The following LIPH variants were observed in gnomAD, a reference collection of about 807,000 sequenced individuals.
LIPH encodes lipase member H.
In LIPH, 32 loss-of-function variants were observed where a neutral mutation model predicts 47.6. The ratio of observed to expected loss-of-function variants is 0.67; its 90% CI spans 0.51 to 0.90. The LOEUF is 0.90. Ranked by LOEUF, LIPH falls within the 40% of genes least tolerant of loss-of-function variation. The pLI, the probability that LIPH is intolerant of heterozygous loss-of-function variation, is 0.00. For missense variants in LIPH, 497 were observed against 541.4 expected (o/e 0.92, Z 0.81); for synonymous variants, 190 against 195.6 (o/e 0.97, Z 0.24).
At chr3:185,542,154 A>G (rs62291861) in intron 1 of LIPH, among the ~76,000 whole-genome samples, 54,042 of 151,894 alleles carry the variant, frequency 0.36, 9,834 homozygotes, top group Non-Finnish European at 0.4. Context: ...AGAGTGGCGA[A>G]AAATTTGTGT....
chr3:185,548,004 C>T (rs1225110275), intron 1 of LIPH, among the ~76,000 whole-genome samples: 1 of 152,158 alleles, frequency 6.6e-6, no homozygotes, highest in Non-Finnish European at 1.5e-5. Flanking sequence ...TATGCTTGAG[C>T]ACACTCTTAT....
At position 185,522,650 on chromosome 3, in the gene LIPH, A is replaced by AAGAAAGGAAAG. The variant is rs1235808164; in HGVS notation, c.718+1420_718+1421insCTTTCCTTTCT. Among the ~76,000 whole-genome samples the AAGAAAGGAAAG allele has an allele frequency of 3.9e-3, 547 of 142,000 alleles. 4 individuals carry two copies. Among genetic ancestry groups the AAGAAAGGAAAG allele is most frequent in the Non-Finnish European group, 6.9e-3 (446 of 64,574 alleles). 93.2% of individuals were successfully genotyped at this position (142,000 alleles called of 152,430 possible). A position where few individuals can be genotyped will look rare whatever the true frequency, so the allele number is the denominator to read the frequency against. On this transcript the variant is annotated intron_variant, in intron 5 of 9. Coordinates refer to ENST00000296252, the MANE Select transcript of LIPH (RefSeq NM_139248.3). ...AAGAAGGAAAAGAAAGAGAGAAAGA[A>AAGAAAGGAAAG]AAAGAAAGAAAGAAAGAAAGAAAGA...
rs768489997 is a variant in LIPH, at chr3:185,534,778, A to G, written c.404T>C (p.Ile135Thr). The change falls in exon 2 of 10, where the codon ATT (isoleucine) becomes ACT (threonine). Residue 135 changes from isoleucine to threonine, a missense_variant. By Grantham distance (89) the Ile-to-Thr change is moderately conservative. Coordinates refer to ENST00000296252, the MANE Select transcript of LIPH (RefSeq NM_139248.3). ...GAATTCTCTTACCAACATCTGGTCA[A>G]TAAATTCCTTCAAGACCATGGCTAC... Reference protein sequence around the residue: ...RKVAMVLKEFIDQMLAEGASL... With the variant: ...RKVAMVLKEFTDQMLAEGASL... 1.9e-6 allele frequency: 3 copies of G among 1,613,626 alleles called. No homozygotes were observed. Among genetic ancestry groups the G allele is most frequent in the East Asian group, 4.5e-5 (2 of 44,898 alleles).
chr3:185,534,680 C>T, intron 2 of LIPH, 85 bp downstream of exon 2: 2 of 1,408,782 alleles, frequency 1.4e-6, no homozygotes, highest in Non-Finnish European at 2.0e-6. Context: ...GCCTCCTGCT[C>T]ACTGTAGCTA....
intron 1 of LIPH, among the ~76,000 whole-genome samples, chr3:185,552,110 G>A (rs1316151283): frequency 6.6e-6 from 1 of 151,788 alleles, no homozygotes. Flanking sequence ...GGCTAAGAAA[G>A]AAAATAAGAC....
intron 1 of LIPH, among the ~76,000 whole-genome samples, chr3:185,547,386 G>A (rs562036325): frequency 1.3e-5 from 2 of 152,058 alleles, no homozygotes; most frequent in Non-Finnish European, 2.9e-5. Context: ...TTTTTATCTC[G>A]AGTTTTGGTT....
chr3:185,552,451 GAA>G lies in LIPH; in HGVS notation c.19_20del (p.Phe7HisfsTer83), dbSNP rs866257724. On this transcript the variant is annotated frameshift_variant, in exon 1 of 10. Transcript: ENST00000296252. MLRFYLFISLLCLSRSD... is the reference protein window; with the variant it reads MLRFYLXISLLCLSRSD... ...ATCTTGACAAGCACAACAAACTGAT[GAA>G]TAAGTAGAATCTCAACATATGGAAA... 6.2e-7 allele frequency: 1 copy of G among 1,608,882 alleles called. No individual in the cohort carries two copies. The highest frequency in any genetic ancestry group is 1.3e-5 in the African/African-American group (1 of 74,946).
chr3:185,519,587 G>A (rs1035382497), intron 5 of LIPH, among the ~76,000 whole-genome samples: 1 of 152,090 alleles, frequency 6.6e-6, no homozygotes, highest in Non-Finnish European at 1.5e-5. Context: ...TGTAATCCCA[G>A]CACTTTAGGA....
chr3:185,540,824 C>T (rs1577687322), intron 1 of LIPH, among the ~76,000 whole-genome samples: 1 of 152,042 alleles, frequency 6.6e-6, no homozygotes, highest in Middle Eastern at 3.4e-3. Context: ...CTGTTCCATA[C>T]TGAAATATAT....
intron 4 of LIPH, among the ~76,000 whole-genome samples, chr3:185,525,765 C>T (rs746005772): frequency 8.5e-5 from 13 of 152,182 alleles, no homozygotes; most frequent in Non-Finnish European, 1.8e-4. Flanking sequence ...TTGCTCTATC[C>T]TACTCCACCA....
chr3:185,517,530 C>A lies in LIPH; in HGVS notation c.887-368G>T, dbSNP rs187581960. On this transcript the variant is annotated intron_variant, in intron 6 of 9. Transcript: ENST00000296252. ...AGTTCATACCTAAAATAGCATCACT[C>A]TTGAAAACCAATATGCTTTCTTGAA... 9.2e-5 allele frequency among the ~76,000 whole-genome samples: 14 copies of A among 152,308 alleles called. No homozygotes were observed. The East Asian group carries it at 2.7e-3, about 29-fold the overall frequency.
intron 1 of LIPH, among the ~76,000 whole-genome samples, chr3:185,538,807 A>ATACATATATATACATATATATG (rs1720594828): frequency 2.1e-4 from 1 of 4,794 alleles, no homozygotes; most frequent in African/African-American, 3.3e-4. Flanking sequence ...ACACACATAT[A>ATACATATATATACATATATATG]TACATATATA....
chr3:185,541,763 T>C (rs946924213), intron 1 of LIPH, among the ~76,000 whole-genome samples: 1 of 58,396 alleles, frequency 1.7e-5, no homozygotes, highest in Non-Finnish European at 4.2e-5. Context: ...TTTATTATTA[T>C]TTTTTTTTTT....
intron 1 of LIPH, among the ~76,000 whole-genome samples, chr3:185,544,652 G>A (rs1720813441): frequency 6.6e-6 from 1 of 152,110 alleles, no homozygotes; most frequent in South Asian, 2.1e-4. Flanking sequence ...ACTGAGCCTG[G>A]GCGAGAATTT....
intron 3 of LIPH, among the ~76,000 whole-genome samples, chr3:185,529,481 T>C (rs1177098475): frequency 1.3e-5 from 2 of 149,564 alleles, no homozygotes; most frequent in Non-Finnish European, 3.0e-5. Context: ...ACTTGCTATG[T>C]TGCCCAGGCT....
Position 185,532,434 on chromosome 3 carries a change from T to TG in LIPH, c.526+1136dup, listed in dbSNP as rs1366108210. ...GGCTGAGTGGAGGACTGCTTGTGCC[T>TG]GGGGGGGCGTTGAGGCTGCAGTGAG... On this transcript the variant is annotated intron_variant, in intron 3 of 9. Transcript: ENST00000296252. 1.0e-2 allele frequency among the ~76,000 whole-genome samples: 1,471 copies of TG among 147,380 alleles called. 15 individuals carry two copies. The highest frequency in any genetic ancestry group is 0.029 in the African/African-American group (1,155 of 39,948).
intron 8 of LIPH, among the ~76,000 whole-genome samples, chr3:185,513,338 CAAAAA>C (rs56090966): frequency 9.1e-6 from 1 of 109,780 alleles, no homozygotes; most frequent in Non-Finnish European, 1.9e-5. Flanking sequence ...GGCTCTGTCT[CAAAAA>C]AAAAAAAAAA....
At chr3:185,517,304 G>A (rs899741491) in intron 6 of LIPH, 142 bp from the exon 7 acceptor site, 6 of 642,412 alleles carry the variant, frequency 9.3e-6, no homozygotes, top group East Asian at 2.8e-5. Context: ...CCATGGTGAG[G>A]GCCTGCAGGG....
chr3:185,536,330 G>A (rs1162788100), intron 1 of LIPH, among the ~76,000 whole-genome samples: 1 of 152,084 alleles, frequency 6.6e-6, no homozygotes, highest in African/African-American at 2.4e-5. Flanking sequence ...AGGCACTACC[G>A]ATGGCCATTC....
Sources: gnomAD v4.1 joint callset for allele counts (sites outside exome capture counted in the v4.1 genomes callset) on GRCh38, gnomAD v4.1.1 for gene constraint, MANE v1.5 for transcripts, NCBI Gene and HGNC (gene_info 2026-07-23, HGNC 2026-07-21) for gene names.